The following RAB31 variants were observed in gnomAD, a reference collection of about 807,000 sequenced individuals.
RAB31 encodes ras-related protein Rab-31.
Under a neutral mutation model 25.6 loss-of-function variants are expected in RAB31, and 21 were observed. That is an observed-to-expected ratio of 0.82 (90% CI 0.58 to 1.18). RAB31 has a LOEUF of 1.18. Among genes scored for constraint, RAB31 ranks in the 50% most tolerant of loss-of-function variants. The pLI is 0.00. For synonymous variants in RAB31, 87 were observed against 84.0 expected, an observed-to-expected ratio of 1.04 and a Z score of -0.20; for missense variants, 196 against 250.1, an observed-to-expected ratio of 0.78 and a Z score of 1.46.
chr18:9,854,093 T>C (rs2068803315), intron 6 of RAB31, among the ~76,000 whole-genome samples: 1 of 152,022 alleles, frequency 6.6e-6, no homozygotes, highest in Admixed American at 6.6e-5. Context: ...AAGCCCTGCA[T>C]GCATTAGGTA....
In RAB31 at chr18:9,815,160, A is replaced by G. The variant is rs1414759036; in HGVS notation, c.318A>G (p.Glu106=). ...AGAAATGGGTCAAGGAGCTGAAAGA[A>G]CATGGTCCAGAAAACATTGTAATGG... ...TLKKWVKELK[E]HGPENIVMAI... Residue 106 remains glutamate (E), a synonymous_variant, in exon 5 of 7, where the codon GAA becomes GAG. Coordinates refer to ENST00000578921, the MANE Select transcript of RAB31 (RefSeq NM_006868.4). 1.9e-6 allele frequency: 3 copies of G among 1,557,414 alleles called. No individual in the cohort carries two copies. In the South Asian group the frequency reaches 3.6e-5, roughly 18 times the overall value.
intron 1 of RAB31, among the ~76,000 whole-genome samples, chr18:9,742,666 C>A (rs1173586897): frequency 6.6e-6 from 1 of 152,154 alleles, no homozygotes; most frequent in African/African-American, 2.4e-5. Flanking sequence ...TGGCTCATGC[C>A]CAATTACAGT....
chr18:9,708,587 C>T lies in RAB31; in HGVS notation c.39+143C>T. 3 of 661,890 alleles carry T rather than the reference C, an allele frequency of 4.5e-6. No individual in the cohort carries two copies. In the East Asian group the frequency reaches 9.9e-5, roughly 22 times the overall value. 41.0% of individuals were successfully genotyped at this position (661,890 alleles called of 1,614,324 possible). On this transcript the variant is annotated intron_variant, in intron 1 of 6. Coordinates refer to ENST00000578921, the MANE Select transcript of RAB31 (RefSeq NM_006868.4). This position sits in a 1 kb window ranked among gnomAD's most constrained non-coding sequence, Gnocchi z 6.4. ...AGCCCCCGTCCCCCTCGTCCGCGCG[C>T]CCCCTGGTTCCCCGGGTCCCCCTGG...
chr18:9,777,374 G>T (rs1252206751), intron 2 of RAB31, among the ~76,000 whole-genome samples: 1 of 152,068 alleles, frequency 6.6e-6, no homozygotes, highest in Non-Finnish European at 1.5e-5. Context: ...AATAATTCTG[G>T]TACCAAACAT....
At chr18:9,832,124 G>T (rs2068681603) in intron 5 of RAB31, among the ~76,000 whole-genome samples, 1 of 152,172 alleles carries the variant, frequency 6.6e-6, no homozygotes, top group Non-Finnish European at 1.5e-5. Flanking sequence ...GTCAGGAGGC[G>T]ACATGCAGTG....
chr18:9,826,174 C>T (rs375832798), intron 5 of RAB31, among the ~76,000 whole-genome samples: 1 of 149,516 alleles, frequency 6.7e-6, no homozygotes, highest in Non-Finnish European at 1.5e-5. Context: ...GTTGGGAGTT[C>T]AAGACCAGCC....
chr18:9,727,596 A>G (rs897487897), intron 1 of RAB31, among the ~76,000 whole-genome samples: 4 of 152,232 alleles, frequency 2.6e-5, no homozygotes, highest in African/African-American at 4.8e-5. Flanking sequence ...GATTATAGGC[A>G]TGAACCACTG....
chr18:9,762,816 G>T (rs1380116085), intron 1 of RAB31, among the ~76,000 whole-genome samples: 1 of 152,134 alleles, frequency 6.6e-6, no homozygotes, highest in Non-Finnish European at 1.5e-5. Context: ...TAAGAGCTGG[G>T]CTAGAGGAGA....
intron 1 of RAB31, among the ~76,000 whole-genome samples, chr18:9,762,960 C>T (rs983086435): frequency 4.6e-5 from 7 of 152,174 alleles, no homozygotes; most frequent in Non-Finnish European, 1.0e-4. Flanking sequence ...CCAGAATGCT[C>T]AGTGGCTGAA....
chr18:9,708,592 T>G lies in RAB31; in HGVS notation c.39+148T>G, dbSNP rs1599005211. The G allele has an allele frequency of 3.1e-6, 2 of 635,964 alleles. No homozygotes were observed. The highest frequency in any genetic ancestry group is 6.9e-5 in the East Asian group (2 of 29,130). 39.4% of individuals were successfully genotyped at this position (635,964 alleles called of 1,614,324 possible). On this transcript the variant is annotated intron_variant, in intron 1 of 6. Transcript: ENST00000578921. This position sits in a 1 kb window ranked among gnomAD's most constrained non-coding sequence, Gnocchi z 6.4. ...CCGTCCCCCTCGTCCGCGCGCCCCC[T>G]GGTTCCCCGGGTCCCCCTGGCTCCC...
At position 9,766,524 on chromosome 18, in the gene RAB31, A is replaced by G. The variant is rs1219694675; in HGVS notation, c.40-8754A>G. The stretch of plus-strand genomic sequence containing the variant: ...GTCACCTTTGGAGTCAGAACAGTCC[A>G]AACTGTTAACCATGCAGACTTCTGC... On this transcript the variant is annotated intron_variant, in intron 1 of 6. Transcript: ENST00000578921. The surrounding 1 kb of genome is among the most constrained non-coding windows in gnomAD (Gnocchi z 4.3). Among the ~76,000 whole-genome samples the G allele has an allele frequency of 6.6e-6, 1 of 152,210 alleles. No individual in the cohort carries two copies. Among genetic ancestry groups the G allele is most frequent in the Non-Finnish European group, 1.5e-5 (1 of 68,020 alleles).
At chr18:9,733,213 T>C (rs1297767565) in intron 1 of RAB31, among the ~76,000 whole-genome samples, 1 of 152,216 alleles carries the variant, frequency 6.6e-6, no homozygotes, top group Non-Finnish European at 1.5e-5. Flanking sequence ...TGTGAGTCTA[T>C]AAGTTAGGAA....
intron 1 of RAB31, among the ~76,000 whole-genome samples, chr18:9,733,339 C>T (rs895130766): frequency 1.3e-5 from 2 of 152,250 alleles, no homozygotes; most frequent in South Asian, 4.1e-4. Context: ...AACCATCCGA[C>T]GTGTGCAGAT....
At chr18:9,792,071 G>T in intron 2 of RAB31, 83 bp from the exon 3 acceptor site, 1 of 1,521,540 alleles carries the variant, frequency 6.6e-7, no homozygotes, top group Non-Finnish European at 8.9e-7. Context: ...TCCTGCTGAG[G>T]TGTAGCATTT....
At chr18:9,804,163 G>A (rs1182651341) in intron 3 of RAB31, among the ~76,000 whole-genome samples, 5 of 152,196 alleles carry the variant, frequency 3.3e-5, no homozygotes, top group Non-Finnish European at 5.9e-5. Flanking sequence ...CCCTGCTCTT[G>A]CCCCTCGGGG....
At position 9,812,689 on chromosome 18, in the gene RAB31, A is replaced by ATTT. The variant is rs55968922; in HGVS notation, c.202-1307_202-1305dup. The stretch of plus-strand genomic sequence containing the variant: ...ACTTTCAAAACCCCTCCAGGATACT[A>ATTT]TTTTTTTTTTTTTTTTTTTTTTTTT... On this transcript the variant is annotated intron_variant, in intron 3 of 6. Coordinates refer to ENST00000578921, the MANE Select transcript of RAB31 (RefSeq NM_006868.4). 1.2e-3 allele frequency among the ~76,000 whole-genome samples: 109 copies of ATTT among 90,216 alleles called. 2 individuals carry two copies. The highest frequency in any genetic ancestry group is 1.6e-3 in the Non-Finnish European group (78 of 47,338). 59.2% of individuals were successfully genotyped at this position (90,216 alleles called of 152,430 possible).
intron 1 of RAB31, among the ~76,000 whole-genome samples, chr18:9,743,205 T>G (rs927664472): frequency 4.6e-5 from 7 of 152,222 alleles, no homozygotes; most frequent in Admixed American, 2.0e-4. Flanking sequence ...TTTCTTCAGT[T>G]CTGTCTGGTC....
At chr18:9,716,169 A>T (rs1250001874) in intron 1 of RAB31, among the ~76,000 whole-genome samples, 1 of 151,718 alleles carries the variant, frequency 6.6e-6, no homozygotes, top group African/African-American at 2.4e-5. Context: ...TTTCCCCATG[A>T]CTCTGGCATT....
intron 1 of RAB31, among the ~76,000 whole-genome samples, chr18:9,746,551 A>C (rs1007487827): frequency 6.7e-6 from 1 of 148,586 alleles, no homozygotes; most frequent in Non-Finnish European, 1.5e-5. Flanking sequence ...ATAGTGTGGT[A>C]CTGACATAAA....
Sources: allele counts gnomAD v4.1 joint callset (sites outside exome capture counted in the v4.1 genomes callset), GRCh38; gene constraint gnomAD v4.1.1; non-coding constraint Gnocchi (gnomAD v3.1); transcripts MANE v1.5; gene names NCBI Gene and HGNC (gene_info 2026-07-23, HGNC 2026-07-21).